FSCN2: variants seen among roughly 807,000 people sequenced by gnomAD.
The protein encoded by FSCN2 is fascin actin-bundling protein 2, retinal.
In FSCN2, 46 loss-of-function variants were observed where a neutral mutation model predicts 37.8. That is an observed-to-expected ratio of 1.22 (90% CI 0.96 to 1.56). The LOEUF (loss-of-function observed/expected upper bound fraction) is 1.56. Among genes scored for constraint, FSCN2 ranks in the 40% most tolerant of loss-of-function variants. The pLI, the probability that FSCN2 is intolerant of heterozygous loss-of-function variation, is 0.00. For synonymous variants in FSCN2, 351 were observed against 309.4 expected, an observed-to-expected ratio of 1.13 and a Z score of -1.41; for missense variants, 844 against 730.4, an observed-to-expected ratio of 1.16 and a Z score of -1.79.
At chr17:81,533,913 C>T (rs1419108314) in intron 1 of FSCN2, among the ~76,000 whole-genome samples, 5 of 152,260 alleles carry the variant, frequency 3.3e-5, no homozygotes, top group East Asian at 1.9e-4. Context: ...CCCGCAGGGA[C>T]GGCGTTCCCA....
At chr17:81,531,633 ATGGTGGTGG>A (rs747102548) in intron 1 of FSCN2, among the ~76,000 whole-genome samples, 1 of 94,326 alleles carries the variant, frequency 1.1e-5, no homozygotes, top group African/African-American at 4.2e-5. Context: ...GGTGGTGGTG[ATGGTGGTGG>A]TGGTGATGAT....
rs568119465 is a variant in FSCN2 at position 81,534,539 on chromosome 17, C to T, written c.827-513C>T. Among the ~76,000 whole-genome samples the T allele has an allele frequency of 2.6e-3, 402 of 152,088 alleles. 3 individuals carry two copies. Among genetic ancestry groups the T allele is most frequent in the South Asian group, 2.7e-3 (13 of 4,830 alleles). ...AGATGGAGCCCGGGGCAGTCTTGTC[C>T]TCCCCCAGGGGTCCTGGGAGACCAA... is the stretch of plus-strand genomic sequence containing the variant. On this transcript the variant is annotated intron_variant, in intron 1 of 4. Transcript: ENST00000417245.
At chr17:81,533,382 G>A (rs767576833) in intron 1 of FSCN2, among the ~76,000 whole-genome samples, 3 of 152,228 alleles carry the variant, frequency 2.0e-5, no homozygotes, top group Non-Finnish European at 2.9e-5. Context: ...AGAGCCCTGG[G>A]CATGGTGGGT....
the FSCN2 span, among the ~76,000 whole-genome samples, chr17:81,520,334 T>C: frequency 0.094 from 14,374 of 152,142 alleles, 1,696 homozygotes; most frequent in African/African-American, 0.27. Context: ...CAGGGAAGGA[T>C]CATGGTTGGC....
chr17:81,526,006 C>T (rs528478312), upstream of FSCN2, among the ~76,000 whole-genome samples: 6 of 152,342 alleles, frequency 3.9e-5, no homozygotes, highest in African/African-American at 7.2e-5. Context: ...CCCCACCCAA[C>T]GTGGAGCTGT....
In FSCN2 at chr17:81,528,796, C is replaced by A; in HGVS notation, c.265C>A (p.Arg89Ser). Reference protein sequence around the residue: ...CEAEQPGRDCRFLVLPQPDGR... With the variant: ...CEAEQPGRDCSFLVLPQPDGR... ...GGCAGAGCAGCCGGGCCGTGACTGC[C>A]GCTTCCTGGTCCTGCCGCAGCCAGA... is the stretch of plus-strand genomic sequence containing the variant. The change falls in exon 1 of 5, where the codon CGC becomes AGC. Residue 89 changes from arginine to serine, a missense_variant. Arg to Ser is a moderately radical substitution (Grantham distance 110). Coordinates refer to ENST00000417245, the MANE Select transcript of FSCN2 (RefSeq NM_012418.4). 6.4e-7 allele frequency: 1 copy of A among 1,564,554 alleles called. No individual in the cohort carries two copies. Among genetic ancestry groups the A allele is most frequent in the Non-Finnish European group, 8.6e-7 (1 of 1,156,790 alleles).
At chr17:81,529,800 C>T (rs1174944463) in intron 1 of FSCN2, among the ~76,000 whole-genome samples, 6 of 152,152 alleles carry the variant, frequency 3.9e-5, no homozygotes, top group Admixed American at 3.3e-4. Context: ...ACCCCATTTT[C>T]TGGACTTCAT....
the FSCN2 span, among the ~76,000 whole-genome samples, chr17:81,518,845 G>T: frequency 6.6e-6 from 1 of 152,262 alleles, no homozygotes; most frequent in East Asian, 1.9e-4. Flanking sequence ...AGCGGGTCAG[G>T]GCGGGACAAG....
At chr17:81,515,253 G>A in the FSCN2 span, among the ~76,000 whole-genome samples, 1 of 152,176 alleles carries the variant, frequency 6.6e-6, no homozygotes, top group Admixed American at 6.5e-5. Flanking sequence ...TATGCTCTGG[G>A]AAGCCAGTGG....
rs1568078125 is a variant in FSCN2, at chr17:81,531,759, A to ATAG, written c.826+2403_826+2404insAGT. On this transcript the variant is annotated intron_variant, in intron 1 of 4. Transcript: ENST00000417245. ...GATGATGGTGATGATAGTGATGGCG[A>ATAG]TGATGGTGATGATAGTGATGGTGAT... Among the ~76,000 whole-genome samples the ATAG allele has an allele frequency of 9.8e-5, 6 of 61,314 alleles. No homozygotes were observed. The South Asian group carries it at 2.1e-3, about 21-fold the overall frequency. 40.2% of individuals were successfully genotyped at this position (61,314 alleles called of 152,430 possible). A position where few individuals can be genotyped will look rare whatever the true frequency, so the allele number is the denominator to read the frequency against.
At chr17:81,530,142 G>A (rs782078469) in intron 1 of FSCN2, 7 of 284,450 alleles carry the variant, frequency 2.5e-5, no homozygotes, top group Non-Finnish European at 4.2e-5. Context: ...AATTGGGGAG[G>A]AGCCCAGGGT....
chr17:81,536,934 C>T lies in FSCN2; in HGVS notation c.1333C>T (p.Arg445Cys), dbSNP rs745404624. Residue 445 changes from arginine to cysteine, a missense_variant, in exon 5 of 5, where the codon CGC becomes TGC. Physicochemically the swap from Arg to Cys is radical, Grantham distance 180. Transcript: ENST00000417245. Reference sequence around the variant, plus strand: ...CGGCAGCGTGTGCAGCGACGGCGAACGCGCCGAGGACTTCGTCTTCGAGTT... The same window carrying T: ...CGGCAGCGTGTGCAGCGACGGCGAATGCGCCGAGGACTTCGTCTTCGAGTT... The part of the protein sequence containing the change: ...SHGSVCSDGE[R>C]AEDFVFEFRE... 11 of 1,571,708 alleles carry T rather than the reference C, an allele frequency of 7.0e-6. No homozygotes were observed. Among genetic ancestry groups the T allele is most frequent in the South Asian group, 4.6e-5 (4 of 86,848 alleles).
At position 81,536,629 on chromosome 17, in the gene FSCN2, C is replaced by T. The variant is rs775589838; in HGVS notation, c.1113C>T (p.Asp371=). The change falls in exon 4 of 5, where the codon GAC becomes GAT. Residue 371 remains aspartate, a synonymous_variant. Coordinates refer to ENST00000417245, the MANE Select transcript of FSCN2 (RefSeq NM_012418.4). ...LAAISDFVGK[D]EEFTLKLINR... The stretch of plus-strand genomic sequence containing the variant: ...AGACGCTCTCCCCGCCAGGCAAGGA[C>T]GAAGAGTTCACCCTCAAGCTCATCA... 15 of 1,609,622 alleles carry T rather than the reference C, an allele frequency of 9.3e-6. No homozygotes were observed. The highest frequency in any genetic ancestry group is 8.9e-5 in the East Asian group (4 of 44,890).
chr17:81,530,652 G>A (rs1555671123), intron 1 of FSCN2: 2 of 507,514 alleles, frequency 3.9e-6, no homozygotes, highest in African/African-American at 3.9e-5. Flanking sequence ...TGCCCACCAA[G>A]CCCCCACCCT....
At chr17:81,536,071 G>C (rs1047820297) in intron 2 of FSCN2, 75 bp from the exon 3 acceptor site, 179 of 1,538,638 alleles carry the variant, frequency 1.2e-4, no homozygotes, top group Non-Finnish European at 1.1e-4. Context: ...CTTGGAACCT[G>C]AGGAGGATGG....
Position 81,528,974 on chromosome 17 carries a change from G to A in FSCN2, c.443G>A (p.Arg148Gln), listed in dbSNP as rs782446027. The A allele has an allele frequency of 1.7e-5, 27 of 1,586,714 alleles. No individual in the cohort carries two copies. The South Asian group carries it at 1.9e-4, about 11-fold the overall frequency. ...HPQAHLLSVS[R>Q]RRYVHLCPRE... ...CAGGCCCACCTGCTGAGCGTGAGCC[G>A]GCGGCGCTACGTGCACCTGTGCCCG... The change falls in exon 1 of 5, where the codon CGG (arginine) becomes CAG (glutamine). Residue 148 changes from arginine to glutamine, a missense_variant. Arg to Gln is a conservative substitution (Grantham distance 43). Transcript: ENST00000417245.
chr17:81,529,600 C>T lies in FSCN2; in HGVS notation c.826+243C>T, dbSNP rs369916506. 247 of 738,304 alleles carry T rather than the reference C, an allele frequency of 3.3e-4. 2 individuals are homozygous for T. Among genetic ancestry groups the T allele is most frequent in the Non-Finnish European group, 1.2e-4 (48 of 401,084 alleles). 45.7% of individuals were successfully genotyped at this position (738,304 alleles called of 1,614,324 possible). On this transcript the variant is annotated intron_variant, in intron 1 of 4. Transcript: ENST00000417245. ...CAGGGTCAGAGGCAAGGGTTCCTGGCCTTTCTCAGCATAGCTGGAGAATGT... is the reference window on the plus strand; with the variant it reads ...CAGGGTCAGAGGCAAGGGTTCCTGGTCTTTCTCAGCATAGCTGGAGAATGT...
Position 81,537,038 on chromosome 17 carries a change from C to A in FSCN2, c.1437C>A (p.Ala479=). ...GCGGCGCCTCGGGCCTGCTGCGGGC[C>A]GATGCCGACGCCCCGGCCGGGACCG... ...LRGGASGLLR[A]DADAPAGTAL... is the part of the protein sequence containing the mutation. The change falls in exon 5 of 5, where the codon GCC becomes GCA. Residue 479 remains alanine (A), a synonymous_variant. Coordinates refer to ENST00000417245, the MANE Select transcript of FSCN2 (RefSeq NM_012418.4). The A allele has an allele frequency of 6.8e-7, 1 of 1,478,962 alleles. No individual in the cohort carries two copies. Among genetic ancestry groups the A allele is most frequent in the Non-Finnish European group, 8.9e-7 (1 of 1,122,160 alleles). 91.6% of individuals were successfully genotyped at this position (1,478,962 alleles called of 1,614,324 possible). A position where few individuals can be genotyped will look rare whatever the true frequency, so the allele number is the denominator to read the frequency against.
At chr17:81,535,689 C>T (rs2032844173) in intron 2 of FSCN2, among the ~76,000 whole-genome samples, 1 of 26,636 alleles carries the variant, frequency 3.8e-5, no homozygotes, top group Non-Finnish European at 7.5e-5. Context: ...CATCTCCATC[C>T]CCATCTCTGC....
Sources: allele counts gnomAD v4.1 joint callset (sites outside exome capture counted in the v4.1 genomes callset), GRCh38; gene constraint gnomAD v4.1.1; transcripts MANE v1.5; gene names NCBI Gene and HGNC (gene_info 2026-07-23, HGNC 2026-07-21).